ELF1: variants seen among roughly 807,000 people sequenced by gnomAD.
ELF1 encodes ETS-related transcription factor Elf-1.
ELF1 carries 24 observed loss-of-function variants against 59.9 expected under a neutral mutation model. The ratio of observed to expected loss-of-function variants is 0.40; its 90% CI spans 0.29 to 0.56. The LOEUF (loss-of-function observed/expected upper bound fraction) is 0.56, where lower values mean the gene tolerates loss of function less well. Ranked by LOEUF, ELF1 falls within the 20% of genes least tolerant of loss-of-function variation. The pLI, the probability that ELF1 is intolerant of heterozygous loss-of-function variation, is 0.44. For synonymous variants in ELF1, 248 were observed against 266.2 expected, an observed-to-expected ratio of 0.93 and a Z score of 0.67; for missense variants, 627 against 742.2, an observed-to-expected ratio of 0.84 and a Z score of 1.80.
At position 41,042,201 on chromosome 13, in the gene ELF1, T is replaced by G. The variant is rs1876639824; in HGVS notation, c.-229+18637A>C. On this transcript the variant is annotated intron_variant, in intron 1 of 1. Coordinates refer to the ELF1 transcript ENST00000405737. The stretch of plus-strand genomic sequence containing the variant: ...CCACACCCGGCTAATTTTTGTATTT[T>G]TAGTAAAGGCAAAGTTTCACTTTGC... Among the ~76,000 whole-genome samples, 4 of 152,144 alleles carry G rather than the reference T, an allele frequency of 2.6e-5. No individual in the cohort carries two copies. The South Asian group carries it at 8.3e-4, about 32-fold the overall frequency.
At chr13:41,028,270 GACT>G (rs1667462198) in intron 1 of ELF1, among the ~76,000 whole-genome samples, 1 of 152,136 alleles carries the variant, frequency 6.6e-6, no homozygotes, top group African/African-American at 2.4e-5. Flanking sequence ...TGGGAAGCTG[GACT>G]ACTAACTCAC....
At chr13:40,987,584 C>CAAAAAAA (rs374604821) in intron 1 of ELF1, among the ~76,000 whole-genome samples, 1 of 68,400 alleles carries the variant, frequency 1.5e-5, no homozygotes, top group African/African-American at 4.5e-5. Context: ...GACTCTGTCT[C>CAAAAAAA]AAAAAAAAAA....
At chr13:41,003,030 A>T (rs1874553219) in intron 1 of ELF1, among the ~76,000 whole-genome samples, 1 of 151,424 alleles carries the variant, frequency 6.6e-6, no homozygotes, top group Admixed American at 6.5e-5. Flanking sequence ...TTTACTTACT[A>T]AAATTCTTCA....
intron 1 of ELF1, among the ~76,000 whole-genome samples, chr13:41,006,580 C>T (rs963129615): frequency 2.0e-5 from 3 of 152,132 alleles, no homozygotes; most frequent in African/African-American, 7.2e-5. Context: ...AGTATTACAT[C>T]TTCCTTTCAG....
intron 2 of ELF1, among the ~76,000 whole-genome samples, chr13:40,981,472 A>G (rs548171990): frequency 1.2e-4 from 18 of 152,222 alleles, no homozygotes; most frequent in East Asian, 1.2e-3. Context: ...GCCGATTTAG[A>G]AATTCTTCAG....
chr13:41,052,711 G>A (rs929444309), intron 1 of ELF1, among the ~76,000 whole-genome samples: 7 of 152,042 alleles, frequency 4.6e-5, no homozygotes, highest in African/African-American at 7.2e-5. Context: ...GAGACTCCCT[G>A]TCTCAATAAA....
At chr13:40,950,089 G>C (rs1197407104) in intron 4 of ELF1, 116 bp from the exon 5 acceptor site, 1 of 956,840 alleles carries the variant, frequency 1.0e-6, no homozygotes, top group African/African-American at 1.7e-5. Context: ...ATAAAATCTT[G>C]AAATCTATTC....
chr13:40,954,511 T>C (rs1211625559), intron 3 of ELF1, among the ~76,000 whole-genome samples: 1 of 151,652 alleles, frequency 6.6e-6, no homozygotes, highest in Non-Finnish European at 1.5e-5. Context: ...AAAGCTGGAC[T>C]GTACTGCTGC....
chr13:40,955,775 G>C (rs1248515050), intron 3 of ELF1, among the ~76,000 whole-genome samples: 6 of 74,990 alleles, frequency 8.0e-5, no homozygotes, highest in African/African-American at 2.9e-4. Context: ...AGGGAGGCGG[G>C]GGGGTCAGCC....
chr13:40,950,188 C>G (rs1400444292), intron 4 of ELF1, among the ~76,000 whole-genome samples: 1 of 152,204 alleles, frequency 6.6e-6, no homozygotes, highest in Non-Finnish European at 1.5e-5. Context: ...ACTTGACTTC[C>G]TATCACCAGT....
chr13:41,061,355 G>A (rs967812694), exon 1 of ELF1: 57 of 473,316 alleles, frequency 1.2e-4, no homozygotes, highest in African/African-American at 1.0e-3. Flanking sequence ...TTGAGATCCC[G>A]TCCTTCAGCT....
intron 3 of ELF1, among the ~76,000 whole-genome samples, chr13:40,954,565 AGCCTGCCGAGT>A (rs1489015804): frequency 3.3e-5 from 5 of 151,788 alleles, no homozygotes; most frequent in Admixed American, 3.3e-4. Context: ...CTCCTGCCTC[AGCCTGCCGAGT>A]GCCTGCGATT....
At chr13:41,025,187 C>T (rs1036925187) in intron 1 of ELF1, among the ~76,000 whole-genome samples, 4 of 152,190 alleles carry the variant, frequency 2.6e-5, no homozygotes, top group Non-Finnish European at 5.9e-5. Flanking sequence ...GACAGCTGTA[C>T]GGAAATTTCC....
chr13:40,938,482 G>A (rs1186815627), intron 8 of ELF1, among the ~76,000 whole-genome samples: 1 of 152,222 alleles, frequency 6.6e-6, no homozygotes, highest in Non-Finnish European at 1.5e-5. Flanking sequence ...GGTAGGCAGT[G>A]TAGCAAGTCA....
chr13:40,937,848 T>G (rs1273002637), intron 8 of ELF1, among the ~76,000 whole-genome samples: 1 of 151,434 alleles, frequency 6.6e-6, no homozygotes, highest in Non-Finnish European at 1.5e-5. Flanking sequence ...GGGGTCTCAC[T>G]CTGTAGCCCC....
At chr13:41,021,129 A>G (rs900571227), upstream of ELF1, among the ~76,000 whole-genome samples, 1 of 152,238 alleles carries the variant, frequency 6.6e-6, no homozygotes, top group African/African-American at 2.4e-5. Flanking sequence ...TTCGAAAGCC[A>G]AAGTGTGTAA....
In ELF1 at chr13:40,940,358, G is replaced by A. The variant is rs1870052274; in HGVS notation, c.1256+563C>T. 2.1e-5 allele frequency among the ~76,000 whole-genome samples: 3 copies of A among 141,496 alleles called. No individual in the cohort carries two copies. The South Asian group carries it at 6.6e-4, about 31-fold the overall frequency. The allele number at this position is 141,496 out of a possible 152,430, so 92.8% of individuals were successfully genotyped here. A position where few individuals can be genotyped will look rare whatever the true frequency, so the allele number is the denominator to read the frequency against. On this transcript the variant is annotated intron_variant, in intron 8 of 8. Coordinates refer to ENST00000239882, the MANE Select transcript of ELF1 (RefSeq NM_172373.4). Reference sequence around the variant, plus strand: ...AATTTGTTGTTTAGCATCTCATCCTGGGGCTCTGAGGCAAATCTGATTTAA... The same window carrying A: ...AATTTGTTGTTTAGCATCTCATCCTAGGGCTCTGAGGCAAATCTGATTTAA...
At chr13:40,935,302 G>T (rs1207609273) in intron 8 of ELF1, among the ~76,000 whole-genome samples, 1 of 152,150 alleles carries the variant, frequency 6.6e-6, no homozygotes, top group Non-Finnish European at 1.5e-5. Flanking sequence ...TTTAATGAAA[G>T]ATACTTGCTA....
At chr13:41,019,824 G>C (rs1294692893), upstream of ELF1, among the ~76,000 whole-genome samples, 1 of 152,132 alleles carries the variant, frequency 6.6e-6, no homozygotes, top group African/African-American at 2.4e-5. Context: ...ATGCAGATCT[G>C]TAAGTTCACT....
Sources: allele counts gnomAD v4.1 joint callset (sites outside exome capture counted in the v4.1 genomes callset), GRCh38; gene constraint gnomAD v4.1.1; transcripts MANE v1.5; gene names NCBI Gene and HGNC (gene_info 2026-07-23, HGNC 2026-07-21).